ANKFY1: variants seen among roughly 807,000 people sequenced by gnomAD.
ANKFY1 encodes the protein ankyrin repeat and FYVE domain-containing protein 1.
Under a neutral mutation model 128.3 loss-of-function variants are expected in ANKFY1, and 47 were observed. The ratio of observed to expected loss-of-function variants is 0.37; its 90% CI spans 0.29 to 0.47. ANKFY1 has a LOEUF of 0.47. Among genes scored for constraint, ANKFY1 ranks in the 20% least tolerant of loss-of-function variants. The pLI, the probability that ANKFY1 is intolerant of heterozygous loss-of-function variation, is 1.00. For missense variants in ANKFY1, 1,222 were observed against 1,510.6 expected, an observed-to-expected ratio of 0.81 and a Z score of 3.17; for synonymous variants, 553 against 601.6, an observed-to-expected ratio of 0.92 and a Z score of 1.18.
In ANKFY1 at chr17:4,179,794, T is replaced by C; in HGVS notation, c.2324A>G (p.His775Arg). Reference sequence around the variant, plus strand: ...TTCCAGCCCCCAAGAGGCTGCCAAATGCAAAGGGGTCTGCCCATCTCTAGC... The same window carrying C: ...TTCCAGCCCCCAAGAGGCTGCCAAACGCAAAGGGGTCTGCCCATCTCTAGC... ...EEARDGQTPL[H>R]LAASWGLEET... The change falls in exon 17 of 25, where the codon CAT (histidine) becomes CGT (arginine). Residue 775 changes from histidine to arginine, a missense_variant. Coordinates refer to ENST00000341657, the MANE Select transcript of ANKFY1 (RefSeq NM_001330063.2). 1 of 1,614,192 alleles carries C rather than the reference T, an allele frequency of 6.2e-7. No homozygotes were observed. The highest frequency in any genetic ancestry group is 8.5e-7 in the Non-Finnish European group (1 of 1,180,036).
At chr17:4,172,358 T>C (rs1486809751) in intron 22 of ANKFY1, among the ~76,000 whole-genome samples, 198 bp downstream of exon 22, 4 of 152,108 alleles carry the variant, frequency 2.6e-5, no homozygotes, top group East Asian at 1.9e-4. Flanking sequence ...GAGCGCTACA[T>C]GCACTTGAGA....
chr17:4,175,292 C>T (rs915388151), intron 19 of ANKFY1, among the ~76,000 whole-genome samples: 10 of 150,046 alleles, frequency 6.7e-5, no homozygotes, highest in African/African-American at 9.8e-5. Context: ...GTGATCAGGT[C>T]ACTGCACTCC....
At chr17:4,241,286 T>G (rs1967205684) in intron 2 of ANKFY1, among the ~76,000 whole-genome samples, 1 of 147,556 alleles carries the variant, frequency 6.8e-6, no homozygotes, top group Admixed American at 6.7e-5. Context: ...TTTTTTTTTT[T>G]TTTTTTTTTT....
intron 6 of ANKFY1, among the ~76,000 whole-genome samples, chr17:4,206,704 T>C (rs895409393): frequency 3.9e-5 from 6 of 152,140 alleles, no homozygotes; most frequent in East Asian, 3.9e-4. Context: ...GGGGACCACA[T>C]AGCCAACATA....
intron 7 of ANKFY1, among the ~76,000 whole-genome samples, chr17:4,204,296 C>T (rs1382346750): frequency 6.6e-6 from 1 of 152,178 alleles, no homozygotes; most frequent in Non-Finnish European, 1.5e-5. Context: ...AACATTGCCT[C>T]GCATTCTCTG....
In ANKFY1 at chr17:4,189,498, T is replaced by A; in HGVS notation, c.1373-19A>T. The A allele has an allele frequency of 6.4e-7, 1 of 1,553,364 alleles. No individual in the cohort carries two copies. Among genetic ancestry groups the A allele is most frequent in the Non-Finnish European group, 8.7e-7 (1 of 1,143,746 alleles). On this transcript the variant is annotated intron_variant, in intron 10 of 24. Coordinates refer to ENST00000341657, the MANE Select transcript of ANKFY1 (RefSeq NM_001330063.2). ...CAGTTTCCTAAAAGAAAATGGGCATTGCTGATTCTTCTGTTTGCATCAAAA... is the reference window on the plus strand; with the variant it reads ...CAGTTTCCTAAAAGAAAATGGGCATAGCTGATTCTTCTGTTTGCATCAAAA...
chr17:4,249,185 CA>C (rs1967711434), intron 1 of ANKFY1: 2 of 910,444 alleles, frequency 2.2e-6, no homozygotes, highest in African/African-American at 3.6e-5. Flanking sequence ...ACTTTCCGTA[CA>C]GGGCCACATA....
At chr17:4,213,135 G>A (rs561519330) in intron 4 of ANKFY1, among the ~76,000 whole-genome samples, 12 of 152,148 alleles carry the variant, frequency 7.9e-5, no homozygotes, top group African/African-American at 2.2e-4. Context: ...AAATCTTGGA[G>A]TCATTTCTCT....
At chr17:4,180,149 C>T (rs1375538423) in intron 16 of ANKFY1, 7 of 416,084 alleles carry the variant, frequency 1.7e-5, no homozygotes, top group East Asian at 4.5e-5. Context: ...GAGAACCAGC[C>T]GGATGCGGTG....
At chr17:4,236,866 G>A (rs113792899) in intron 2 of ANKFY1, among the ~76,000 whole-genome samples, 12 of 152,214 alleles carry the variant, frequency 7.9e-5, no homozygotes, top group African/African-American at 1.4e-4. Flanking sequence ...CAAGCCAGGC[G>A]TGGGGGCTCA....
In ANKFY1 at chr17:4,197,559, G is replaced by A. The variant is rs753371693; in HGVS notation, c.917C>T (p.Thr306Ile). ...AAAGGCCCCATTCTTAATGAGGAAAGTGGCAGCAAAGAGATCTCCTTGAAA... is the reference window on the plus strand; with the variant it reads ...AAAGGCCCCATTCTTAATGAGGAAAATGGCAGCAAAGAGATCTCCTTGAAA... Reference protein sequence around the residue: ...GIQRGDLFAATFLIKNGAFVN... With the variant: ...GIQRGDLFAAIFLIKNGAFVN... Residue 306 changes from threonine to isoleucine, a missense_variant, in exon 8 of 25, where the codon ACT (threonine) becomes ATT (isoleucine). Coordinates refer to ENST00000341657, the MANE Select transcript of ANKFY1 (RefSeq NM_001330063.2). 1 of 1,614,204 alleles carries A rather than the reference G, an allele frequency of 6.2e-7. No individual in the cohort carries two copies. Among genetic ancestry groups the A allele is most frequent in the Non-Finnish European group, 8.5e-7 (1 of 1,180,040 alleles).
Position 4,222,211 on chromosome 17 carries a change from G to A in ANKFY1, c.323-5093C>T, listed in dbSNP as rs914992913. Reference sequence around the variant, plus strand: ...ACCCCTGCTGCCCGCGCCTGGCGCCGCCGCCCCCGCCGCCCCGCGGACCCC... The same window carrying A: ...ACCCCTGCTGCCCGCGCCTGGCGCCACCGCCCCCGCCGCCCCGCGGACCCC... On this transcript the variant is annotated intron_variant, in intron 3 of 24. Transcript: ENST00000341657. The A allele has an allele frequency of 5.8e-4, 136 of 233,770 alleles. 2 individuals carry two copies. Among genetic ancestry groups the A allele is most frequent in the African/African-American group, 3.0e-3 (126 of 42,570 alleles). The allele number at this position is 233,770 out of a possible 1,614,324, so 14.5% of individuals were successfully genotyped here.
intron 8 of ANKFY1, among the ~76,000 whole-genome samples, chr17:4,197,119 A>G (rs1405122709): frequency 6.6e-6 from 1 of 152,170 alleles, no homozygotes; most frequent in Non-Finnish European, 1.5e-5. Context: ...ATGCTGACAC[A>G]ATTAAAAACA....
chr17:4,183,698 A>T, intron 13 of ANKFY1, 114 bp downstream of exon 13: 1 of 1,413,716 alleles, frequency 7.1e-7, no homozygotes, highest in Non-Finnish European at 9.7e-7. Context: ...ATGTTATTTT[A>T]CAACCAAATG....
At chr17:4,190,674 C>G (rs2143008010) in intron 10 of ANKFY1, among the ~76,000 whole-genome samples, 1 of 152,146 alleles carries the variant, frequency 6.6e-6, no homozygotes, top group South Asian at 2.1e-4. Context: ...AAATAAAAAC[C>G]TTGGAAAGAA....
chr17:4,182,285 C>A lies in ANKFY1; in HGVS notation c.2017G>T (p.Ala673Ser). The change falls in exon 15 of 25, where the codon GCC becomes TCC. Residue 673 changes from alanine (A) to serine (S), a missense_variant. Coordinates refer to ENST00000341657, the MANE Select transcript of ANKFY1 (RefSeq NM_001330063.2). ...IRNQLPLVVD[A>S]ICTRGADMSV... ...ATGTCAGCTCCTCGGGTGCATATGG[C>A]ATCAACTACGAGTGGAAGCTGGTTT... 1.3e-6 allele frequency: 2 copies of A among 1,595,138 alleles called. No individual in the cohort carries two copies. Among genetic ancestry groups the A allele is most frequent in the Non-Finnish European group, 1.7e-6 (2 of 1,170,088 alleles).
rs756222148 is a variant in ANKFY1, at chr17:4,181,356, TC to T, written c.2137del (p.Asp713MetfsTer39). The T allele has an allele frequency of 6.2e-7, 1 of 1,614,046 alleles. No individual in the cohort carries two copies. The highest frequency in any genetic ancestry group is 8.5e-7 in the Non-Finnish European group (1 of 1,179,898). On this transcript the variant is annotated frameshift_variant, in exon 16 of 25. Coordinates refer to ENST00000341657, the MANE Select transcript of ANKFY1 (RefSeq NM_001330063.2). LOFTEE classifies it high-confidence loss of function. The surrounding 1 kb of genome is among the most constrained non-coding windows in gnomAD (Gnocchi z 4.9). ...IASTLVRHGC[D>X]ATCWGPGPGG... ...AGGTCCCGGACCCCAGCATGTGGCA[TC>T]ACAGCCATGTCTGACCTGCAGAAAA...
intron 1 of ANKFY1, among the ~76,000 whole-genome samples, chr17:4,244,346 A>G (rs959576632): frequency 6.6e-6 from 1 of 152,178 alleles, no homozygotes; most frequent in African/African-American, 2.4e-5. Context: ...AGAGCCTATA[A>G]AGCAAGTTAA....
intron 7 of ANKFY1, among the ~76,000 whole-genome samples, chr17:4,201,405 G>T (rs115014745): frequency 1.3e-5 from 2 of 151,756 alleles, no homozygotes; most frequent in African/African-American, 4.8e-5. Flanking sequence ...AGAGAATGTG[G>T]GCTCTGGCAC....
Sources: allele counts gnomAD v4.1 joint callset (sites outside exome capture counted in the v4.1 genomes callset), GRCh38; gene constraint gnomAD v4.1.1; non-coding constraint Gnocchi (gnomAD v3.1); transcripts MANE v1.5; gene names NCBI Gene and HGNC (gene_info 2026-07-23, HGNC 2026-07-21).